Variants in INTS6 observed in about 807,000 individuals in gnomAD.
The protein encoded by INTS6 is DEAD box protein.
INTS6 carries 16 observed loss-of-function variants against 104.9 expected under a neutral mutation model. That is an observed-to-expected ratio of 0.15 (90% CI 0.10 to 0.23). The LOEUF (loss-of-function observed/expected upper bound fraction) is 0.23, where lower values mean the gene tolerates loss of function less well. Among genes scored for constraint, INTS6 ranks in the 10% least tolerant of loss-of-function variants. The probability of loss-of-function intolerance (pLI) is 1.00; values close to 1 mark genes in which losing one functional copy is unlikely to be tolerated. For missense variants in INTS6, 584 were observed against 1,062.8 expected, an observed-to-expected ratio of 0.55 and a Z score of 6.26; for synonymous variants, 324 against 358.7, an observed-to-expected ratio of 0.90 and a Z score of 1.09.
chr13:51,372,216 T>A (rs1331472166), intron 15 of INTS6, among the ~76,000 whole-genome samples: 1 of 152,110 alleles, frequency 6.6e-6, no homozygotes, highest in Non-Finnish European at 1.5e-5. Flanking sequence ...CATAACCCCT[T>A]GTTAGGCTCT....
In INTS6 at chr13:51,395,312, C is replaced by T; in HGVS notation, c.601G>A (p.Glu201Lys). The change falls in exon 5 of 18, where the codon GAA (glutamate) becomes AAA (lysine). Residue 201 changes from glutamate (E) to lysine (K), a missense_variant. Around this residue, in one of 5 missense-constraint regions of INTS6, gnomAD observed 144 missense variants for 348.7 expected, o/e 0.41. Coordinates refer to ENST00000311234, the MANE Select transcript of INTS6 (RefSeq NM_012141.3). ...GCAAAAAACTTACCGCCTGTCACTT[C>T]ACACATTGGTGTGATTGCAGAGTCA... ...LDDSAITPMC[E>K]VTGGRSYSVC... 1.2e-6 allele frequency: 2 copies of T among 1,600,362 alleles called. No individual in the cohort carries two copies.
chr13:51,423,419 A>G (rs1207600377), intron 4 of INTS6, among the ~76,000 whole-genome samples: 5 of 152,052 alleles, frequency 3.3e-5, no homozygotes, highest in African/African-American at 1.2e-4. Context: ...CCAGAATACT[A>G]TACCATCCTT....
In INTS6 at chr13:51,375,351, C is replaced by CAA. The variant is rs34281256; in HGVS notation, c.1730-557_1730-556dup. On this transcript the variant is annotated intron_variant, in intron 13 of 17. Transcript: ENST00000311234. ...TGGGCGACAGAGCAAGGCTCTGACT[C>CAA]AAAAAAAAAAAAAAAAAGTATGTGT... Among the ~76,000 whole-genome samples the CAA allele has an allele frequency of 3.9e-3, 468 of 120,816 alleles. 2 individuals are homozygous for CAA. The highest frequency in any genetic ancestry group is 0.019 in the East Asian group (81 of 4,366). The allele number at this position is 120,816 out of a possible 152,430, so 79.3% of individuals were successfully genotyped here.
At chr13:51,429,763 C>CT (rs1957052817) in intron 4 of INTS6, among the ~76,000 whole-genome samples, 1 of 27,088 alleles carries the variant, frequency 3.7e-5, no homozygotes, top group Non-Finnish European at 6.3e-5. Flanking sequence ...GACTCTGTCT[C>CT]AAAAAAAAAA....
chr13:51,420,327 G>T (rs1593740189), intron 4 of INTS6, among the ~76,000 whole-genome samples: 5 of 146,030 alleles, frequency 3.4e-5, no homozygotes, highest in African/African-American at 2.5e-5. Flanking sequence ...TAATATAGGT[G>T]GTTCATTTAA....
chr13:51,344,523 G>C, the INTS6 span: 1 of 1,471,884 alleles, frequency 6.8e-7, no homozygotes, highest in Middle Eastern at 1.7e-4. Flanking sequence ...GGCTAAGGCA[G>C]AGGGCTGCAG....
Position 51,369,147 on chromosome 13 carries a change from A to G in INTS6, c.2268T>C (p.Gly756=). ...ERPTNHMEAL[G]HDHLGTNDLT... is the part of the protein sequence containing the mutation. The stretch of plus-strand genomic sequence containing the variant: ...GGTCATTGGTTCCTAAATGGTCATG[A>G]CCAAGAGCCTCCATATGATTGGTTG... Residue 756 remains glycine (G), a synonymous_variant, in exon 16 of 18, where the codon GGT becomes GGC. Transcript: ENST00000311234. 1.9e-6 allele frequency: 3 copies of G among 1,613,844 alleles called. No individual in the cohort carries two copies. In the South Asian group the frequency reaches 3.3e-5, roughly 18 times the overall value.
chr13:51,346,553 C>G, the INTS6 span, among the ~76,000 whole-genome samples: 1 of 152,186 alleles, frequency 6.6e-6, no homozygotes, highest in African/African-American at 2.4e-5. Context: ...TCTACCAACC[C>G]AACTCCAGAG....
chr13:51,450,066 A>G, intron 3 of INTS6: 2 of 985,438 alleles, frequency 2.0e-6, no homozygotes, highest in Non-Finnish European at 2.4e-6. Context: ...TAGTCACAGA[A>G]AGAATTTCCC....
intron 3 of INTS6, chr13:51,355,101 G>C (rs574559050): frequency 6.5e-7 from 1 of 1,549,240 alleles, no homozygotes; most frequent in African/African-American, 1.4e-5. Context: ...GGGAGTCACC[G>C]ATCTTTTTGA....
At chr13:51,368,841 T>C (rs1402620944) in intron 16 of INTS6, 98 bp downstream of exon 16, 12 of 1,204,216 alleles carry the variant, frequency 1.0e-5, no homozygotes, top group Non-Finnish European at 1.4e-5. Flanking sequence ...TAGAATCATA[T>C]GTATTCTTTT....
chr13:51,364,142 T>C lies in INTS6; in HGVS notation c.*1610A>G, dbSNP rs1027531477. On this transcript the variant is annotated 3_prime_UTR_variant, in exon 18 of 18. Coordinates refer to ENST00000311234, the MANE Select transcript of INTS6 (RefSeq NM_012141.3). ...ACAATTCCATCTATTAAATGTTATC[T>C]TGCATTACTTAAAAGTATTTGTATA... The C allele has an allele frequency of 3.7e-6, 2 of 538,074 alleles. No homozygotes were observed. The highest frequency in any genetic ancestry group is 3.2e-5 in the East Asian group (1 of 31,442). The allele number at this position is 538,074 out of a possible 1,614,324, so 33.3% of individuals were successfully genotyped here. A position where few individuals can be genotyped will look rare whatever the true frequency, so the allele number is the denominator to read the frequency against.
rs1012373700 is a variant in INTS6, at chr13:51,395,433, T to C, written c.480A>G (p.Glu160=). 5 of 1,613,612 alleles carry C rather than the reference T, an allele frequency of 3.1e-6. No individual in the cohort carries two copies. Among genetic ancestry groups the C allele is most frequent in the South Asian group, 1.1e-5 (1 of 91,010 alleles). Residue 160 remains glutamate (E), a synonymous_variant, in exon 5 of 18, where the codon GAA becomes GAG. Coordinates refer to ENST00000311234, the MANE Select transcript of INTS6 (RefSeq NM_012141.3). ...AGAGTCTCTGATCCCAACGAAAAGG[T>C]TCCTTGGTCAATTCACTTCCAGGCA... is the stretch of plus-strand genomic sequence containing the variant. ...SPLPGSELTK[E]PFRWDQRLFA...
Position 51,374,116 on chromosome 13 carries a change from T to C in INTS6, c.2104+92A>G, listed in dbSNP as rs554008481. ...ATTCATTCACTCATTGTACTACTAA[T>C]CAATTTCCTTCTATAATCTATAACA... On this transcript the variant is annotated intron_variant, in intron 15 of 17. Coordinates refer to ENST00000311234, the MANE Select transcript of INTS6 (RefSeq NM_012141.3). 3.0e-6 allele frequency: 3 copies of C among 987,298 alleles called. No homozygotes were observed. The East Asian group carries it at 7.4e-5, about 24-fold the overall frequency. The allele number at this position is 987,298 out of a possible 1,614,324, so 61.2% of individuals were successfully genotyped here. A position where few individuals can be genotyped will look rare whatever the true frequency, so the allele number is the denominator to read the frequency against.
intron 5 of INTS6, among the ~76,000 whole-genome samples, chr13:51,394,028 T>TA (rs796248495): frequency 0.028 from 4,027 of 141,398 alleles, 68 homozygotes; most frequent in Non-Finnish European, 0.033. Context: ...CCCCAGAGTT[T>TA]AAAAAAAAAA....
chr13:51,392,125 C>T (rs1180329371), intron 5 of INTS6, among the ~76,000 whole-genome samples: 1 of 152,208 alleles, frequency 6.6e-6, no homozygotes, highest in Non-Finnish European at 1.5e-5. Flanking sequence ...AGTCTTCCTG[C>T]TTTCATTCTT....
chr13:51,413,298 C>T (rs546803358), intron 4 of INTS6, among the ~76,000 whole-genome samples: 1 of 152,238 alleles, frequency 6.6e-6, no homozygotes, highest in African/African-American at 2.4e-5. Flanking sequence ...TATTTCTTCT[C>T]ACTAAACCTC....
chr13:51,428,325 T>C (rs866208383), intron 4 of INTS6, among the ~76,000 whole-genome samples: 4 of 151,050 alleles, frequency 2.6e-5, no homozygotes, highest in South Asian at 4.2e-4. Context: ...ACTTTTTTTT[T>C]CTTTTTTTTT....
In INTS6 at chr13:51,400,914, A is replaced by G. The variant is rs79346101; in HGVS notation, c.430-5431T>C. On this transcript the variant is annotated intron_variant, in intron 4 of 17. Transcript: ENST00000311234. ...ATTAAATTTTTTAAAATCCAAAACA[A>G]AAAGAACAAGGCAAATATGGCAGAA... 6.2e-3 allele frequency among the ~76,000 whole-genome samples: 945 copies of G among 152,340 alleles called. 9 individuals are homozygous for G. The highest frequency in any genetic ancestry group is 0.021 in the African/African-American group (879 of 41,584).
Sources: gnomAD v4.1 joint callset for allele counts (sites outside exome capture counted in the v4.1 genomes callset) on GRCh38, gnomAD v4.1.1 for gene constraint, gnomAD v4.1.1 regional missense constraint, MANE v1.5 for transcripts, NCBI Gene and HGNC (gene_info 2026-07-23, HGNC 2026-07-21) for gene names.